Variants in PTPRD observed in about 807,000 individuals in gnomAD.
The protein encoded by PTPRD is receptor-type tyrosine-protein phosphatase delta.
PTPRD carries 34 observed loss-of-function variants against 214.5 expected under a neutral mutation model. The ratio of observed to expected loss-of-function variants is 0.16; its 90% CI spans 0.12 to 0.21. The LOEUF (loss-of-function observed/expected upper bound fraction) is 0.21, where lower values mean the gene tolerates loss of function less well. PTPRD is among the 10% of genes least tolerant of loss of function. The probability of loss-of-function intolerance (pLI) is 1.00; values close to 1 mark genes in which losing one functional copy is unlikely to be tolerated. For synonymous variants in PTPRD, 1,128 were observed against 845.7 expected, an observed-to-expected ratio of 1.33 and a Z score of -5.79; for missense variants, 2,545 against 2,398.7, an observed-to-expected ratio of 1.06 and a Z score of -1.27.
chr9:9,741,259 T>C (rs966344266), intron 6 of PTPRD, among the ~76,000 whole-genome samples: 7 of 152,158 alleles, frequency 4.6e-5, no homozygotes, highest in Non-Finnish European at 1.5e-5. Context: ...TTGGAATTTA[T>C]TAGTACTTTA....
chr9:8,997,116 T>G (rs1024694986), intron 11 of PTPRD, among the ~76,000 whole-genome samples: 1 of 152,130 alleles, frequency 6.6e-6, no homozygotes, highest in Non-Finnish European at 1.5e-5. Context: ...CAGCATAATA[T>G]TCTATCATTT....
At chr9:9,454,284 G>A (rs548949903) in intron 8 of PTPRD, among the ~76,000 whole-genome samples, 9 of 151,732 alleles carry the variant, frequency 5.9e-5, no homozygotes, top group South Asian at 2.1e-4. Flanking sequence ...AAATACTCCC[G>A]GTTTGGCTCT....
At chr9:10,546,377 G>T (rs2060175341) in intron 2 of PTPRD, among the ~76,000 whole-genome samples, 1 of 151,994 alleles carries the variant, frequency 6.6e-6, no homozygotes, top group Non-Finnish European at 1.5e-5. Context: ...GCAAAAGAGA[G>T]AAGAAAATGA....
intron 3 of PTPRD, among the ~76,000 whole-genome samples, chr9:10,234,627 G>A (rs939349333): frequency 1.6e-5 from 2 of 127,284 alleles, no homozygotes; most frequent in Admixed American, 7.8e-5. Context: ...TTCTGGAAAT[G>A]CATTGCTAAA....
chr9:9,900,500 T>C (rs181946026), intron 5 of PTPRD, among the ~76,000 whole-genome samples: 2 of 152,324 alleles, frequency 1.3e-5, no homozygotes, highest in East Asian at 3.9e-4. Context: ...ACTGTCCATA[T>C]TTCTATCAGC....
chr9:8,426,877 A>C (rs2094713084), intron 35 of PTPRD, among the ~76,000 whole-genome samples: 1 of 151,982 alleles, frequency 6.6e-6, no homozygotes, highest in South Asian at 2.1e-4. Flanking sequence ...AACTTGAGAA[A>C]TTACTTGCAC....
At chr9:9,432,203 T>C (rs929122703) in intron 8 of PTPRD, among the ~76,000 whole-genome samples, 4 of 151,832 alleles carry the variant, frequency 2.6e-5, no homozygotes, top group Non-Finnish European at 5.9e-5. Context: ...AAGTAGAAGG[T>C]AAATGGGATT....
chr9:8,938,082 T>G (rs1045812343), intron 11 of PTPRD, among the ~76,000 whole-genome samples: 2 of 152,108 alleles, frequency 1.3e-5, no homozygotes, highest in African/African-American at 2.4e-5. Context: ...TTTAATAACA[T>G]GAAGTATTGC....
chr9:10,076,450 C>G lies in PTPRD; in HGVS notation c.-544-42660G>C, dbSNP rs1018543935. 2.6e-5 allele frequency among the ~76,000 whole-genome samples: 4 copies of G among 152,212 alleles called. No individual in the cohort carries two copies. The South Asian group carries it at 8.3e-4, about 32-fold the overall frequency. On this transcript the variant is annotated intron_variant, in intron 3 of 45. Transcript: ENST00000381196. ...AGGCATCATTGCTTATTAACTCTGA[C>G]TGGAGGACTGCATCTGTACTGGGAG...
At chr9:9,499,784 C>T (rs938297904) in intron 8 of PTPRD, among the ~76,000 whole-genome samples, 2 of 152,024 alleles carry the variant, frequency 1.3e-5, no homozygotes, top group African/African-American at 4.8e-5. Flanking sequence ...ACTCTCCCAA[C>T]CAAAAACAGT....
chr9:10,222,047 T>G (rs1225581944), intron 3 of PTPRD, among the ~76,000 whole-genome samples: 1 of 152,014 alleles, frequency 6.6e-6, no homozygotes, highest in Non-Finnish European at 1.5e-5. Flanking sequence ...AACTTTCAGG[T>G]TACAGAAGTG....
intron 3 of PTPRD, among the ~76,000 whole-genome samples, chr9:10,085,915 T>A (rs930249922): frequency 1.3e-5 from 2 of 151,858 alleles, no homozygotes; most frequent in Admixed American, 6.6e-5. Context: ...TGAAAGTCTC[T>A]GATCCATGAA....
intron 7 of PTPRD, among the ~76,000 whole-genome samples, chr9:9,632,182 T>G (rs1162585423): frequency 6.6e-6 from 1 of 152,198 alleles, no homozygotes; most frequent in Non-Finnish European, 1.5e-5. Flanking sequence ...GGATAAACTG[T>G]TGACTATCTG....
chr9:10,490,547 A>G (rs765199392), intron 2 of PTPRD, among the ~76,000 whole-genome samples: 1 of 152,170 alleles, frequency 6.6e-6, no homozygotes, highest in Non-Finnish European at 1.5e-5. Flanking sequence ...AATTCAGCCT[A>G]AAGCATTTTT....
intron 3 of PTPRD, among the ~76,000 whole-genome samples, chr9:10,097,534 C>T (rs1322742999): frequency 6.6e-6 from 1 of 151,426 alleles, no homozygotes; most frequent in Non-Finnish European, 1.5e-5. Context: ...ATTTGGCTCT[C>T]TGTTTGTCTG....
rs114878523 is a variant in PTPRD at position 10,103,541 on chromosome 9, G to A, written c.-544-69751C>T. ...CTACCCAAGAGTCTCATTAGAGAAA[G>A]GGAATTATACAATATAAGCCCCCTA... On this transcript the variant is annotated intron_variant, in intron 3 of 45. Transcript: ENST00000381196. Among the ~76,000 whole-genome samples the A allele has an allele frequency of 3.0e-3, 452 of 151,310 alleles. 3 individuals carry two copies. The highest frequency in any genetic ancestry group is 0.011 in the African/African-American group (435 of 41,284).
intron 12 of PTPRD, among the ~76,000 whole-genome samples, chr9:8,717,209 T>C (rs2098446241): frequency 6.6e-6 from 1 of 152,108 alleles, no homozygotes; most frequent in African/African-American, 2.4e-5. Flanking sequence ...CTATGATACC[T>C]CTAGGAGAGA....
chr9:9,683,044 TA>T (rs1414080003), intron 7 of PTPRD, among the ~76,000 whole-genome samples: 2 of 151,794 alleles, frequency 1.3e-5, no homozygotes, highest in African/African-American at 4.8e-5. Context: ...AAATCACAGA[TA>T]TTTTGAAAGA....
At chr9:10,183,033 G>C (rs184694717) in intron 3 of PTPRD, among the ~76,000 whole-genome samples, 108 of 152,224 alleles carry the variant, frequency 7.1e-4, no homozygotes, top group African/African-American at 2.4e-3. Flanking sequence ...AAAAAGGTAA[G>C]TGGGGATAAT....
Sources: gnomAD v4.1 joint callset for allele counts (sites outside exome capture counted in the v4.1 genomes callset) on GRCh38, gnomAD v4.1.1 for gene constraint, MANE v1.5 for transcripts, NCBI Gene and HGNC (gene_info 2026-07-23, HGNC 2026-07-21) for gene names.